Variants in ACTN4 observed in about 807,000 individuals in gnomAD.
ACTN4 encodes the protein actinin alpha 4, also known as alpha-actinin-4.
In ACTN4, 18 loss-of-function variants were observed where a neutral mutation model predicts 114.2. The observed-to-expected ratio is 0.16, with a 90% CI of 0.11 to 0.23. The LOEUF (loss-of-function observed/expected upper bound fraction) is 0.23. ACTN4 is among the 10% of genes least tolerant of loss of function. ACTN4 has a pLI of 1.00. For missense variants in ACTN4, 722 were observed against 1,262.9 expected (o/e 0.57, Z 6.49); for synonymous variants, 515 against 506.3 (o/e 1.02, Z -0.23).
chr19:38,648,977 T>G lies in ACTN4; in HGVS notation c.162+1070T>G, dbSNP rs566189109. The stretch of plus-strand genomic sequence containing the variant: ...GAAAGGGAATGCGTAATGGATAGAC[T>G]GAGAAAGGAATTTGAGGAGGGGGTG... On this transcript the variant is annotated intron_variant, in intron 1 of 20. Transcript: ENST00000252699. Among the ~76,000 whole-genome samples, 9 of 151,560 alleles carry G rather than the reference T, an allele frequency of 5.9e-5. No homozygotes were observed. In the East Asian group the frequency reaches 1.8e-3, roughly 30 times the overall value.
At chr19:38,720,108 CA>C (rs1968986961) in intron 11 of ACTN4, among the ~76,000 whole-genome samples, 1 of 152,224 alleles carries the variant, frequency 6.6e-6, no homozygotes, top group South Asian at 2.1e-4. Context: ...AGGCCCTCCA[CA>C]CCCCAGGGTC....
In ACTN4 at chr19:38,706,035, G is replaced by C. The variant is rs890338538; in HGVS notation, c.485-9G>C. Reference sequence around the variant, plus strand: ...GAGCCAGTGCTCACTGTCTTTGTGTGTTTTGCAGAGACCTCGGCCAAGGAA... The same window carrying C: ...GAGCCAGTGCTCACTGTCTTTGTGTCTTTTGCAGAGACCTCGGCCAAGGAA... On this transcript the variant is annotated splice_polypyrimidine_tract_variant and intron_variant, in intron 4 of 20. Transcript: ENST00000252699. 6.2e-7 allele frequency: 1 copy of C among 1,613,852 alleles called. No homozygotes were observed. The highest frequency in any genetic ancestry group is 8.5e-7 in the Non-Finnish European group (1 of 1,179,888).
At chr19:38,650,623 T>C (rs912472591) in intron 1 of ACTN4, among the ~76,000 whole-genome samples, 1 of 152,172 alleles carries the variant, frequency 6.6e-6, no homozygotes, top group Admixed American at 6.5e-5. Context: ...TTTCCTGTTA[T>C]GGGGTAGGGA....
chr19:38,647,702 G>GGGGCGGGAGCTT lies in ACTN4; in HGVS notation c.-44_-43insGGGCGGGAGCTT. On this transcript the variant is annotated 5_prime_UTR_variant, in exon 1 of 21. Transcript: ENST00000252699. Reference sequence around the variant, plus strand: ...CGGCTCGGGCAGAGGGGCGGGAGCTGAGGCGGGAGCGGACAGGCTGGTGGG... The same window carrying GGGGCGGGAGCTT: ...CGGCTCGGGCAGAGGGGCGGGAGCTGGGGCGGGAGCTTAGGCGGGAGCGGACAGGCTGGTGGG... 3 of 1,518,966 alleles carry GGGGCGGGAGCTT rather than the reference G, an allele frequency of 2.0e-6. No homozygotes were observed. The highest frequency in any genetic ancestry group is 2.6e-6 in the Non-Finnish European group (3 of 1,134,084). 94.1% of individuals were successfully genotyped at this position (1,518,966 alleles called of 1,614,324 possible).
intron 1 of ACTN4, among the ~76,000 whole-genome samples, chr19:38,668,612 A>T (rs1043242940): frequency 1.2e-4 from 18 of 152,130 alleles, no homozygotes; most frequent in Admixed American, 6.5e-5. Flanking sequence ...CTTGAACCTG[A>T]GAGGCGGAGG....
chr19:38,695,276 C>A (rs1377125717), intron 1 of ACTN4, among the ~76,000 whole-genome samples: 1 of 152,190 alleles, frequency 6.6e-6, no homozygotes, highest in African/African-American at 2.4e-5. Flanking sequence ...CTCTTAGTTG[C>A]GGTCCTGAGG....
intron 1 of ACTN4, among the ~76,000 whole-genome samples, chr19:38,661,433 C>T (rs1976883173): frequency 6.6e-6 from 1 of 152,158 alleles, no homozygotes; most frequent in Non-Finnish European, 1.5e-5. Flanking sequence ...CTCATAATGG[C>T]TTTGTAGTGT....
At chr19:38,700,524 C>T (rs558498674) in intron 1 of ACTN4, 76 bp from the exon 2 acceptor site, 21 of 1,241,482 alleles carry the variant, frequency 1.7e-5, no homozygotes, top group African/African-American at 7.4e-5. Flanking sequence ...GTCAGAGCTG[C>T]GGCCCTGCAG....
At chr19:38,673,751 A>G in intron 1 of ACTN4, among the ~76,000 whole-genome samples, 1 of 89,562 alleles carries the variant, frequency 1.1e-5, no homozygotes, top group African/African-American at 3.8e-5. Context: ...ATATTTATAT[A>G]TATTTTTATA....
chr19:38,708,280 C>T (rs2145023361), intron 6 of ACTN4, 85 bp downstream of exon 6: 2 of 1,441,880 alleles, frequency 1.4e-6, no homozygotes, highest in South Asian at 1.2e-5. Flanking sequence ...CATGCCCTTC[C>T]ATCGCCAGCC....
chr19:38,680,723 C>G (rs755586461), intron 1 of ACTN4, among the ~76,000 whole-genome samples: 3 of 152,150 alleles, frequency 2.0e-5, no homozygotes, highest in Non-Finnish European at 4.4e-5. Flanking sequence ...CTGTAACAGG[C>G]ACCAAGTTTG....
intron 1 of ACTN4, among the ~76,000 whole-genome samples, chr19:38,657,286 G>A (rs1420069214): frequency 2.0e-5 from 3 of 152,054 alleles, no homozygotes; most frequent in African/African-American, 7.2e-5. Flanking sequence ...GGGATTACAG[G>A]CGCGCGCCAC....
intron 1 of ACTN4, chr19:38,648,195 T>G: frequency 3.3e-6 from 1 of 303,190 alleles, no homozygotes. Flanking sequence ...GGCGTGCCAT[T>G]AGGGGAAACC....
At chr19:38,705,980 A>T in intron 4 of ACTN4, 64 bp from the exon 5 acceptor site, 3 of 1,569,332 alleles carry the variant, frequency 1.9e-6, no homozygotes, top group Non-Finnish European at 2.6e-6. Context: ...GTCCCATCCA[A>T]CTTGGGCTGA....
rs1392733818 is a variant in ACTN4 at position 38,673,782 on chromosome 19, TA to T, written c.162+25877del. 9.7e-4 allele frequency among the ~76,000 whole-genome samples: 114 copies of T among 117,212 alleles called. 8 individuals carry two copies. The highest frequency in any genetic ancestry group is 2.9e-3 in the African/African-American group (89 of 30,798). 76.9% of individuals were successfully genotyped at this position (117,212 alleles called of 152,430 possible). A position where few individuals can be genotyped will look rare whatever the true frequency, so the allele number is the denominator to read the frequency against. On this transcript the variant is annotated intron_variant, in intron 1 of 20. Transcript: ENST00000252699. ...TTATATATATATATTTATATATGTA[TA>T]ATTTTTTTTTTTTTTTTTTTTGTGA...
At chr19:38,718,383 A>G (rs975890663) in intron 11 of ACTN4, 2 of 434,042 alleles carry the variant, frequency 4.6e-6, no homozygotes, top group Non-Finnish European at 8.7e-6. Context: ...TTAGAATAAT[A>G]AAATTAGCCA....
intron 1 of ACTN4, among the ~76,000 whole-genome samples, chr19:38,652,552 T>C (rs530860292): frequency 6.6e-6 from 1 of 152,232 alleles, no homozygotes; most frequent in African/African-American, 2.4e-5. Flanking sequence ...ACACCCTCCC[T>C]GGTTCCGGCT....
intron 3 of ACTN4, 114 bp downstream of exon 3, chr19:38,701,235 C>A (rs1042011473): frequency 1.5e-5 from 23 of 1,534,744 alleles, no homozygotes; most frequent in Non-Finnish European, 1.9e-5. Flanking sequence ...GCTTGGGGCA[C>A]TCAGAGCCCC....
chr19:38,729,535 G>A lies in ACTN4; in HGVS notation c.*103G>A, dbSNP rs751505380. On this transcript the variant is annotated 3_prime_UTR_variant, in exon 21 of 21. Transcript: ENST00000252699. Reference sequence around the variant, plus strand: ...TCTGTATCTATGCAAAGCACTCTCTGCAGTCCTCCGGGGTGGGTGGGTGGG... The same window carrying A: ...TCTGTATCTATGCAAAGCACTCTCTACAGTCCTCCGGGGTGGGTGGGTGGG... 5.7e-5 allele frequency: 30 copies of A among 526,890 alleles called. No individual in the cohort carries two copies. In the African/African-American group the frequency reaches 6.6e-4, roughly 12 times the overall value. The allele number at this position is 526,890 out of a possible 1,614,324, so 32.6% of individuals were successfully genotyped here. A position where few individuals can be genotyped will look rare whatever the true frequency, so the allele number is the denominator to read the frequency against.
Sources: gnomAD v4.1 joint callset for allele counts (sites outside exome capture counted in the v4.1 genomes callset) on GRCh38, gnomAD v4.1.1 for gene constraint, MANE v1.5 for transcripts, NCBI Gene and HGNC (gene_info 2026-07-23, HGNC 2026-07-21) for gene names.